Variants in TBC1D12 observed in about 807,000 individuals in gnomAD.
The protein encoded by TBC1D12 is TBC1 domain family, member 12.
In TBC1D12, 56 loss-of-function variants were observed where a neutral mutation model predicts 86.7. The observed-to-expected ratio is 0.65, with a 90% CI of 0.52 to 0.81. The LOEUF (loss-of-function observed/expected upper bound fraction) is 0.81. Among genes scored for constraint, TBC1D12 ranks in the 30% least tolerant of loss-of-function variants. TBC1D12 has a pLI of 0.00. For missense variants in TBC1D12, 1,023 were observed against 1,038.8 expected (o/e 0.98, Z 0.21); for synonymous variants, 421 against 411.7 (o/e 1.02, Z -0.27).
chr10:94,427,833 C>CAAAAAAAAAAA (rs71031576), intron 1 of TBC1D12, among the ~76,000 whole-genome samples: 2 of 67,018 alleles, frequency 3.0e-5, no homozygotes, highest in Admixed American at 2.4e-4. Flanking sequence ...CCCTGTCTCA[C>CAAAAAAAAAAA]AAAAAAAAAA....
chr10:94,460,570 GT>G (rs879520030), intron 2 of TBC1D12, among the ~76,000 whole-genome samples: 305 of 140,356 alleles, frequency 2.2e-3, no homozygotes, highest in African/African-American at 3.7e-3. Context: ...GCTAGAAGTA[GT>G]TTTTTTTTTT....
intron 2 of TBC1D12, 45 bp from the exon 3 acceptor site, chr10:94,474,623 A>C (rs2055959209): frequency 7.3e-7 from 1 of 1,376,192 alleles, no homozygotes; most frequent in Middle Eastern, 1.8e-4. Flanking sequence ...AGTACAAACT[A>C]TGTTGGAGCA....
chr10:94,440,967 A>C lies in TBC1D12; in HGVS notation c.972-929A>C, dbSNP rs531361489. Among the ~76,000 whole-genome samples, 8 of 152,218 alleles carry C rather than the reference A, an allele frequency of 5.3e-5. No homozygotes were observed. The East Asian group carries it at 1.5e-3, about 29-fold the overall frequency. ...AGGGTTCAAGCGATTCTCCTGCCTC[A>C]GCTTCCCGAGTAGCTGGAATTACAG... On this transcript the variant is annotated intron_variant, in intron 1 of 12. Coordinates refer to ENST00000225235, the MANE Select transcript of TBC1D12 (RefSeq NM_015188.2).
intron 1 of TBC1D12, among the ~76,000 whole-genome samples, chr10:94,408,546 G>A (rs2054886910): frequency 6.6e-6 from 1 of 151,912 alleles, no homozygotes; most frequent in Admixed American, 6.6e-5. Context: ...ATTCCTATAG[G>A]TATAGTTTTT....
intron 2 of TBC1D12, among the ~76,000 whole-genome samples, chr10:94,460,241 A>G (rs186378766): frequency 7.9e-5 from 12 of 152,324 alleles, no homozygotes; most frequent in Admixed American, 2.6e-4. Context: ...TTCCATCTCA[A>G]AAAAAAGAAA....
At chr10:94,532,914 G>A (rs1186623084) in intron 12 of TBC1D12, 114 bp from the exon 13 acceptor site, 7 of 569,338 alleles carry the variant, frequency 1.2e-5, no homozygotes, top group Non-Finnish European at 2.1e-5. Context: ...ACACTTTCGG[G>A]GACAGTGTTA....
At position 94,533,327 on chromosome 10, in the gene TBC1D12, T is replaced by G. The variant is rs901937125; in HGVS notation, c.*231T>G. 9.3e-6 allele frequency: 3 copies of G among 324,078 alleles called. No homozygotes were observed. The highest frequency in any genetic ancestry group is 6.5e-5 in the African/African-American group (3 of 46,272). The allele number at this position is 324,078 out of a possible 1,614,324, so 20.1% of individuals were successfully genotyped here. A position where few individuals can be genotyped will look rare whatever the true frequency, so the allele number is the denominator to read the frequency against. On this transcript the variant is annotated 3_prime_UTR_variant, in exon 13 of 13. Coordinates refer to ENST00000225235, the MANE Select transcript of TBC1D12 (RefSeq NM_015188.2). ...AGAGTCATTTTTCAAAGGAAAAAGT[T>G]TAAGTGGTGAGTTTATATTCCACAA... is the stretch of plus-strand genomic sequence containing the variant.
At chr10:94,459,052 CT>C (rs1238322974) in intron 2 of TBC1D12, among the ~76,000 whole-genome samples, 9 of 342 alleles carry the variant, frequency 0.026, no homozygotes, top group African/African-American at 0.16. Context: ...CCGCAGCCTA[CT>C]GATTGGTCCA....
chr10:94,497,199 C>A, intron 5 of TBC1D12, 27 bp downstream of exon 5: 1 of 1,316,484 alleles, frequency 7.6e-7, no homozygotes. Flanking sequence ...TTCCTAAATT[C>A]CCATTTGTCT....
At chr10:94,483,040 T>C (rs956608314) in intron 3 of TBC1D12, among the ~76,000 whole-genome samples, 6 of 18,604 alleles carry the variant, frequency 3.2e-4, no homozygotes, top group African/African-American at 6.3e-4. Flanking sequence ...ATTCTTCTTC[T>C]TTTTTTTTTT....
At chr10:94,522,809 A>T (rs566244229) in intron 11 of TBC1D12, among the ~76,000 whole-genome samples, 1 of 151,984 alleles carries the variant, frequency 6.6e-6, no homozygotes, top group African/African-American at 2.4e-5. Context: ...TAATCTTAGC[A>T]CTTTGGTGGG....
At chr10:94,507,426 C>T in intron 7 of TBC1D12, 79 bp downstream of exon 7, 1 of 1,206,794 alleles carries the variant, frequency 8.3e-7, no homozygotes. Context: ...GTAGTAATCG[C>T]TTTACATATA....
chr10:94,444,424 CT>C (rs886141207), intron 2 of TBC1D12, among the ~76,000 whole-genome samples: 10 of 151,014 alleles, frequency 6.6e-5, no homozygotes, highest in South Asian at 4.2e-4. Flanking sequence ...GTTTTAGCTC[CT>C]TTTTTTTTCT....
chr10:94,458,433 T>C (rs2055661911), intron 2 of TBC1D12, among the ~76,000 whole-genome samples: 1 of 152,198 alleles, frequency 6.6e-6, no homozygotes, highest in South Asian at 2.1e-4. Flanking sequence ...TTAGGTATTC[T>C]GTTATAAGCA....
At chr10:94,414,915 T>C (rs957446122) in intron 1 of TBC1D12, among the ~76,000 whole-genome samples, 3 of 152,188 alleles carry the variant, frequency 2.0e-5, no homozygotes, top group Non-Finnish European at 1.5e-5. Context: ...GTTGTACATA[T>C]AAAGTTTAAT....
At chr10:94,493,289 G>A in intron 3 of TBC1D12, 76 bp from the exon 4 acceptor site, 10 of 1,176,516 alleles carry the variant, frequency 8.5e-6, no homozygotes, top group Admixed American at 2.1e-5. Flanking sequence ...GCATCTGGGT[G>A]TAAAAACAAA....
At chr10:94,468,826 G>C (rs185305602) in intron 2 of TBC1D12, among the ~76,000 whole-genome samples, 4 of 152,170 alleles carry the variant, frequency 2.6e-5, no homozygotes, top group Admixed American at 2.6e-4. Flanking sequence ...CTAAAGCTCT[G>C]CTTATATTTC....
chr10:94,448,045 G>C (rs1348807132), intron 2 of TBC1D12, among the ~76,000 whole-genome samples: 4 of 151,788 alleles, frequency 2.6e-5, no homozygotes, highest in African/African-American at 9.7e-5. Context: ...CCATTTTCTG[G>C]TAAAGTTTAA....
chr10:94,508,550 A>G (rs1313068985), intron 7 of TBC1D12: 2 of 152,018 alleles, frequency 1.3e-5, no homozygotes, highest in African/African-American at 2.4e-5. Flanking sequence ...TATTAAATCT[A>G]AATCTGTGTA....
Sources: gnomAD v4.1 joint callset for allele counts (sites outside exome capture counted in the v4.1 genomes callset) on GRCh38, gnomAD v4.1.1 for gene constraint, MANE v1.5 for transcripts, NCBI Gene and HGNC (gene_info 2026-07-23, HGNC 2026-07-21) for gene names.